The following EIF2S1 variants were observed in gnomAD, a reference collection of about 807,000 sequenced individuals.
The protein encoded by EIF2S1 is eukaryotic translation initiation factor 2 subunit 1.
A neutral mutation model predicts 33.5 loss-of-function variants in EIF2S1; 5 were observed. The observed-to-expected ratio is 0.15, with a 90% confidence interval of 0.08 to 0.31. The LOEUF (loss-of-function observed/expected upper bound fraction) is 0.31, where lower values mean the gene tolerates loss of function less well. Among genes scored for constraint, EIF2S1 ranks in the 10% least tolerant of loss-of-function variants. EIF2S1 has a pLI of 1.00. For missense variants in EIF2S1, 191 were observed against 384.6 expected (o/e 0.50, Z 4.21); for synonymous variants, 99 against 127.5 (o/e 0.78, Z 1.51).
chr14:67,371,038 A>G (rs1435888392), intron 2 of EIF2S1, among the ~76,000 whole-genome samples: 1 of 151,852 alleles, frequency 6.6e-6, no homozygotes, highest in Non-Finnish European at 1.5e-5. Context: ...AAAAAGGAAA[A>G]CTCTAGGCCA....
chr14:67,363,910 T>G (rs2085757890), intron 1 of EIF2S1: 1 of 152,216 alleles, frequency 6.6e-6, no homozygotes, highest in East Asian at 1.9e-4. Flanking sequence ...GTTTGAGAGC[T>G]TCCTTTTTTA....
At position 67,380,689 on chromosome 14, in the gene EIF2S1, G is replaced by A. The variant is rs369566073; in HGVS notation, c.504G>A (p.Leu168=). The A allele has an allele frequency of 2.3e-5, 37 of 1,581,062 alleles. No individual in the cohort carries two copies. In the African/African-American group the frequency reaches 4.7e-4, roughly 20 times the overall value. ...CATCTATTTTGGATAGTTTAGATTT[G>A]AATGAAGATGAACGGGAAGTACTCA... ...SDPSILDSLD[L]NEDEREVLIN... is the part of the protein sequence containing the mutation. Residue 168 remains leucine, a synonymous_variant, in exon 5 of 8, where the codon TTG becomes TTA. Transcript: ENST00000256383.
chr14:67,385,150 C>T lies in EIF2S1; in HGVS notation c.*1710C>T, dbSNP rs895277448. On this transcript the variant is annotated 3_prime_UTR_variant, in exon 8 of 8. Coordinates refer to ENST00000256383, the MANE Select transcript of EIF2S1 (RefSeq NM_004094.5). ...ATAGATCAGTATTTCACTGATACCA[C>T]GAGGAAAAGAACAAACAAAACTTAA... is the stretch of plus-strand genomic sequence containing the variant. The T allele has an allele frequency of 1.3e-4, 19 of 151,982 alleles. No individual in the cohort carries two copies. The highest frequency in any genetic ancestry group is 2.2e-4 in the Non-Finnish European group (15 of 68,014). The allele number at this position is 151,982 out of a possible 1,614,324, so 9.4% of individuals were successfully genotyped here. A position where few individuals can be genotyped will look rare whatever the true frequency, so the allele number is the denominator to read the frequency against.
At chr14:67,379,816 G>A (rs995250140) in intron 4 of EIF2S1, among the ~76,000 whole-genome samples, 9 of 150,444 alleles carry the variant, frequency 6.0e-5, no homozygotes, top group South Asian at 2.1e-4. Flanking sequence ...CACTACGCCC[G>A]GCTAATTTTT....
chr14:67,377,919 G>A (rs370547460), intron 4 of EIF2S1, among the ~76,000 whole-genome samples: 7 of 151,758 alleles, frequency 4.6e-5, no homozygotes, highest in South Asian at 2.1e-4. Context: ...ACCATCCTGG[G>A]CAGCATAGCA....
chr14:67,372,055 A>G (rs1214432444), intron 2 of EIF2S1, among the ~76,000 whole-genome samples: 1 of 151,954 alleles, frequency 6.6e-6, no homozygotes, highest in East Asian at 1.9e-4. Context: ...ACTTGAGCCC[A>G]GGAGTTCGAG....
intron 2 of EIF2S1, among the ~76,000 whole-genome samples, chr14:67,372,877 T>G (rs371036753): frequency 1.3e-5 from 2 of 151,838 alleles, no homozygotes; most frequent in East Asian, 1.9e-4. Context: ...AAACCATCAA[T>G]TTTTAAAGGA....
At position 67,373,956 on chromosome 14, in the gene EIF2S1, A is replaced by G. The variant is rs534326509; in HGVS notation, c.242-512A>G. ...TATTCTGGAGAAGGAAAAGGAAGAA[A>G]TAGGGGAAAGATAGGCATTTGACTA... On this transcript the variant is annotated intron_variant, in intron 2 of 7. Transcript: ENST00000256383. Among the ~76,000 whole-genome samples the G allele has an allele frequency of 3.0e-4, 46 of 152,248 alleles. No individual in the cohort carries two copies. The South Asian group carries it at 8.1e-3, about 27-fold the overall frequency.
chr14:67,367,588 T>G (rs1473402612), intron 2 of EIF2S1, among the ~76,000 whole-genome samples: 1 of 152,242 alleles, frequency 6.6e-6, no homozygotes, highest in Non-Finnish European at 1.5e-5. Context: ...ATAAATACGG[T>G]GCATGGAATG....
intron 2 of EIF2S1, among the ~76,000 whole-genome samples, chr14:67,370,373 C>T (rs72719110): frequency 0.03 from 4,618 of 152,206 alleles, 88 homozygotes; most frequent in Non-Finnish European, 0.036. Context: ...ATAAGATAAT[C>T]GGTGAAAATA....
In EIF2S1 at chr14:67,385,227, T is replaced by C. The variant is rs1323190695; in HGVS notation, c.*1787T>C. 2 of 152,150 alleles carry C rather than the reference T, an allele frequency of 1.3e-5. No homozygotes were observed. Among genetic ancestry groups the C allele is most frequent in the Non-Finnish European group, 2.9e-5 (2 of 68,030 alleles). The allele number at this position is 152,150 out of a possible 1,614,324, so 9.4% of individuals were successfully genotyped here. On this transcript the variant is annotated 3_prime_UTR_variant, in exon 8 of 8. Coordinates refer to ENST00000256383, the MANE Select transcript of EIF2S1 (RefSeq NM_004094.5). ...AAAGACAGCAGGGACAAGATACATA[T>C]GAGGACAAGGTATACACCCAGTTCT...
At chr14:67,373,938 G>A (rs1334777906) in intron 2 of EIF2S1, among the ~76,000 whole-genome samples, 1 of 151,708 alleles carries the variant, frequency 6.6e-6, no homozygotes, top group Non-Finnish European at 1.5e-5. Context: ...TCCTATTCTG[G>A]AGAAGGAAAA....
chr14:67,364,740 T>TA (rs751911276), intron 1 of EIF2S1, 27 bp from the exon 2 acceptor site: 112 of 1,597,720 alleles, frequency 7.0e-5, no homozygotes, highest in Non-Finnish European at 9.2e-5. Context: ...ACTGAATACT[T>TA]ACTTAATTCT....
At chr14:67,370,448 A>T (rs2085813394) in intron 2 of EIF2S1, among the ~76,000 whole-genome samples, 1 of 152,240 alleles carries the variant, frequency 6.6e-6, no homozygotes. Flanking sequence ...TTTAAAAAAG[A>T]GCAAAATTGA....
intron 3 of EIF2S1, among the ~76,000 whole-genome samples, chr14:67,375,501 G>A (rs2085852723): frequency 1.3e-5 from 2 of 149,594 alleles, no homozygotes; most frequent in South Asian, 4.2e-4. Flanking sequence ...TTTCTGCCAT[G>A]AGTGTTTCTG....
At chr14:67,381,546 A>C (rs1275235518) in intron 5 of EIF2S1, 47 bp from the exon 6 acceptor site, 1 of 1,467,576 alleles carries the variant, frequency 6.8e-7, no homozygotes, top group Non-Finnish European at 9.5e-7. Context: ...TAAACTTTTA[A>C]ATATTTTTTG....
chr14:67,363,309 C>G (rs146030244), intron 1 of EIF2S1, among the ~76,000 whole-genome samples: 38 of 151,874 alleles, frequency 2.5e-4, no homozygotes, highest in African/African-American at 9.2e-4. Flanking sequence ...TGCTAAATCC[C>G]TATTTTGTAG....
chr14:67,366,195 G>A (rs776405327), intron 2 of EIF2S1, among the ~76,000 whole-genome samples: 3 of 151,694 alleles, frequency 2.0e-5, no homozygotes, highest in South Asian at 2.1e-4. Context: ...TGTTCCTCAA[G>A]CAGTCCTCCC....
intron 1 of EIF2S1, among the ~76,000 whole-genome samples, chr14:67,363,686 A>G (rs2085756700): frequency 6.6e-6 from 1 of 152,204 alleles, no homozygotes; most frequent in Admixed American, 6.5e-5. Context: ...GGAGATAGGC[A>G]ATGGCCAGAT....
Sources: allele counts gnomAD v4.1 joint callset (sites outside exome capture counted in the v4.1 genomes callset), GRCh38; gene constraint gnomAD v4.1.1; transcripts MANE v1.5; gene names NCBI Gene and HGNC (gene_info 2026-07-23, HGNC 2026-07-21).